The following AK9 variants were observed in gnomAD, a reference collection of about 807,000 sequenced individuals.
AK9 encodes adenylate kinase 9.
In AK9, 191 loss-of-function variants were observed where a neutral mutation model predicts 239.6. The ratio of observed to expected loss-of-function variants is 0.80; its 90% confidence interval spans 0.71 to 0.90. The LOEUF (loss-of-function observed/expected upper bound fraction) is 0.90. Ranked by LOEUF, AK9 falls within the 40% of genes least tolerant of loss-of-function variation. The pLI, the probability that AK9 is intolerant of heterozygous loss-of-function variation, is 0.00. For missense variants in AK9, 1,995 were observed against 2,214.7 expected (o/e 0.90, Z 1.99); for synonymous variants, 689 against 721.0 (o/e 0.96, Z 0.71).
intron 21 of AK9, among the ~76,000 whole-genome samples, chr6:109,567,129 A>G (rs960508141): frequency 1.3e-5 from 2 of 152,224 alleles, no homozygotes; most frequent in Admixed American, 6.5e-5. Flanking sequence ...CAAAAAATCA[A>G]TGAATCCAGG....
intron 29 of AK9, among the ~76,000 whole-genome samples, chr6:109,526,783 C>T (rs1387589005): frequency 6.6e-6 from 1 of 152,108 alleles, no homozygotes; most frequent in African/African-American, 2.4e-5. Context: ...AATCTGTCTC[C>T]AACCCGTATA....
In AK9 at chr6:109,585,174, T is replaced by C; in HGVS notation, c.2063A>G (p.Glu688Gly). ...KKSEIDSKIL[E>G]RLLEELQKKK... is the part of the protein sequence containing the mutation. ...CTTTTGTAGTTCTTCTAATAATCTT[T>C]CTAAAATCTTAGAGTCAATTTCAGA... Residue 688 changes from glutamate (E) to glycine (G), a missense_variant, in exon 19 of 41, where the codon GAA becomes GGA. By Grantham distance (98) the Glu-to-Gly change is moderately conservative. Coordinates refer to ENST00000424296, the MANE Select transcript of AK9 (RefSeq NM_001145128.3). 9.1e-7 allele frequency: 1 copy of C among 1,095,826 alleles called. No homozygotes were observed. Among genetic ancestry groups the C allele is most frequent in the Non-Finnish European group, 1.2e-6 (1 of 841,718 alleles). 67.9% of individuals were successfully genotyped at this position (1,095,826 alleles called of 1,614,324 possible). A position where few individuals can be genotyped will look rare whatever the true frequency, so the allele number is the denominator to read the frequency against.
intron 17 of AK9, among the ~76,000 whole-genome samples, chr6:109,592,418 G>GA (rs939268893): frequency 3.2e-4 from 48 of 151,100 alleles, no homozygotes; most frequent in Non-Finnish European, 1.6e-4. Flanking sequence ...TTTCTGGTGA[G>GA]AAGTCTGTTG....
chr6:109,657,211 T>G (rs185781830), intron 7 of AK9, among the ~76,000 whole-genome samples: 64 of 152,314 alleles, frequency 4.2e-4, no homozygotes, highest in Non-Finnish European at 8.4e-4. Flanking sequence ...TTGTAGTTCA[T>G]TCATTCAAGT....
chr6:109,585,861 A>C, intron 18 of AK9, 55 bp downstream of exon 18: 1 of 1,487,672 alleles, frequency 6.7e-7, no homozygotes, highest in Non-Finnish European at 9.0e-7. Flanking sequence ...TATTTAACCA[A>C]AAATATCAAT....
chr6:109,580,839 C>G (rs925322390), intron 19 of AK9, among the ~76,000 whole-genome samples: 2 of 152,136 alleles, frequency 1.3e-5, no homozygotes, highest in African/African-American at 4.8e-5. Flanking sequence ...TGTGAACAGG[C>G]AGTTATTCTG....
rs1487974761 is a variant in AK9 at position 109,573,564 on chromosome 6, T to C, written c.2222A>G (p.Glu741Gly). 7 of 1,550,550 alleles carry C rather than the reference T, an allele frequency of 4.5e-6. No individual in the cohort carries two copies. The Admixed American group carries it at 1.4e-4, about 30-fold the overall frequency. Residue 741 changes from glutamate to glycine, a missense_variant, in exon 21 of 41, where the codon GAG becomes GGG. Coordinates refer to ENST00000424296, the MANE Select transcript of AK9 (RefSeq NM_001145128.3). ...EAEETDNEDE[E>G]EIEGDELEVH... is the part of the protein sequence containing the mutation. ...TTCCAACTCATCACCTTCAATCTCC[T>C]CTTCATCCTCATTATCAGTCTCTTC...
chr6:109,648,816 G>A lies in AK9; in HGVS notation c.760-4128C>T, dbSNP rs929387108. Among the ~76,000 whole-genome samples the A allele has an allele frequency of 4.7e-4, 72 of 152,286 alleles. 1 individual carries two copies. The highest frequency in any genetic ancestry group is 6.8e-3 in the Middle Eastern group (2 of 294). ...AAGAGAATTTTAGACCAATATCCTT[G>A]ATGAACATCGATGCAAAAATCCTCA... is the stretch of plus-strand genomic sequence containing the variant. On this transcript the variant is annotated intron_variant, in intron 8 of 40. Transcript: ENST00000424296.
chr6:109,673,375 T>C (rs2128338226), intron 3 of AK9, among the ~76,000 whole-genome samples: 1 of 152,322 alleles, frequency 6.6e-6, no homozygotes, highest in Non-Finnish European at 1.5e-5. Flanking sequence ...TAGGCAAATA[T>C]GGACCAGTGT....
chr6:109,675,522 A>C (rs1388530957), intron 2 of AK9, 107 bp downstream of exon 2: 3 of 662,316 alleles, frequency 4.5e-6, no homozygotes, highest in Non-Finnish European at 7.2e-6. Context: ...CTTATCAGAC[A>C]CTCAAAAAAT....
At chr6:109,619,493 A>T (rs1192150118) in intron 12 of AK9, among the ~76,000 whole-genome samples, 1 of 152,096 alleles carries the variant, frequency 6.6e-6, no homozygotes, top group African/African-American at 2.4e-5. Flanking sequence ...TATTCAGATT[A>T]TGTATATATT....
intron 21 of AK9, among the ~76,000 whole-genome samples, chr6:109,569,310 CTAAAACCAT>C (rs1290901955): frequency 6.6e-6 from 1 of 152,124 alleles, no homozygotes; most frequent in African/African-American, 2.4e-5. Flanking sequence ...AATGTTAGAC[CTAAAACCAT>C]AAAAACCCTA....
rs995391830 is a variant in AK9 at position 109,662,542 on chromosome 6, T to C, written c.444+9A>G. The stretch of plus-strand genomic sequence containing the variant: ...TTTACTCTACTAGCAAAACAATTAA[T>C]ATCCTTACCTTTATATTGATTATAA... On this transcript the variant is annotated intron_variant, in intron 6 of 40. Transcript: ENST00000424296. 3.3e-6 allele frequency: 5 copies of C among 1,500,748 alleles called. No homozygotes were observed. The African/African-American group carries it at 5.7e-5, about 17-fold the overall frequency. 93.0% of individuals were successfully genotyped at this position (1,500,748 alleles called of 1,614,324 possible).
Position 109,550,193 on chromosome 6 carries a change from G to A in AK9, c.2861C>T (p.Ala954Val). The A allele has an allele frequency of 6.2e-7, 1 of 1,613,806 alleles. No homozygotes were observed. Among genetic ancestry groups the A allele is most frequent in the Admixed American group, 1.7e-5 (1 of 60,010 alleles). The change falls in exon 25 of 41, where the codon GCA (alanine) becomes GTA (valine). Residue 954 changes from alanine to valine, a missense_variant. Physicochemically the swap from Ala to Val is moderately conservative, Grantham distance 64. This residue lies in a region of AK9 where 1,290 missense variants were observed against 1,392.7 expected (regional missense o/e 0.93). Coordinates refer to ENST00000424296, the MANE Select transcript of AK9 (RefSeq NM_001145128.3). ...FILQPGNTEE[A>V]AKYREKIYYF... ...GTAGATCTTTTCTCGATACTTGGCTGCTTCTTCTGTGTTTCCTGGTTGCAG... is the reference window on the plus strand; with the variant it reads ...GTAGATCTTTTCTCGATACTTGGCTACTTCTTCTGTGTTTCCTGGTTGCAG...
intron 8 of AK9, among the ~76,000 whole-genome samples, chr6:109,648,633 T>C (rs773655720): frequency 1.0e-3 from 159 of 152,280 alleles, no homozygotes; most frequent in Non-Finnish European, 1.8e-3. Context: ...CAGGACCAGA[T>C]GGATTCACAG....
chr6:109,522,177 C>A (rs2128123462), intron 29 of AK9, among the ~76,000 whole-genome samples: 1 of 152,120 alleles, frequency 6.6e-6, no homozygotes, highest in East Asian at 1.9e-4. Context: ...TTGTAGATAT[C>A]CTTTTAAAAT....
At chr6:109,587,604 A>G (rs567732499) in intron 17 of AK9, among the ~76,000 whole-genome samples, 1 of 152,138 alleles carries the variant, frequency 6.6e-6, no homozygotes, top group Admixed American at 6.5e-5. Flanking sequence ...AACATGCGGT[A>G]TTTGTCTTTC....
intron 24 of AK9, 21 bp downstream of exon 24, chr6:109,563,576 G>C (rs929514689): frequency 6.5e-7 from 1 of 1,548,032 alleles, no homozygotes; most frequent in Non-Finnish European, 8.7e-7. Context: ...ATGAGAATGA[G>C]TAGAAATAAA....
chr6:109,675,946 G>C (rs925502588), intron 1 of AK9, among the ~76,000 whole-genome samples, 190 bp from the exon 2 acceptor site: 1 of 152,024 alleles, frequency 6.6e-6, no homozygotes, highest in African/African-American at 2.4e-5. Context: ...CTTAGTTTGA[G>C]ACAAAAACAA....
Sources: gnomAD v4.1 joint callset for allele counts (sites outside exome capture counted in the v4.1 genomes callset) on GRCh38, gnomAD v4.1.1 for gene constraint, gnomAD v4.1.1 regional missense constraint, MANE v1.5 for transcripts, NCBI Gene and HGNC (gene_info 2026-07-23, HGNC 2026-07-21) for gene names.